NAB1: variants seen among roughly 807,000 people sequenced by gnomAD.
The protein encoded by NAB1 is NGFI-A-binding protein 1.
A neutral mutation model predicts 49.9 loss-of-function variants in NAB1; 25 were observed. That is an observed-to-expected ratio of 0.50 (90% CI 0.37 to 0.70). NAB1 has a LOEUF of 0.70. Ranked by LOEUF, NAB1 falls within the 30% of genes least tolerant of loss-of-function variation. The pLI, the probability that NAB1 is intolerant of heterozygous loss-of-function variation, is 0.00. For synonymous variants in NAB1, 198 were observed against 215.6 expected (o/e 0.92, Z 0.71); for missense variants, 489 against 575.9 (o/e 0.85, Z 1.54).
Position 190,670,215 on chromosome 2 carries a change from T to G in NAB1, c.820-111T>G. The G allele has an allele frequency of 9.6e-7, 1 of 1,040,488 alleles. No individual in the cohort carries two copies. Among genetic ancestry groups the G allele is most frequent in the Non-Finnish European group, 1.3e-6 (1 of 745,508 alleles). 64.5% of individuals were successfully genotyped at this position (1,040,488 alleles called of 1,614,324 possible). On this transcript the variant is annotated intron_variant, in intron 4 of 9. Coordinates refer to ENST00000337386, the MANE Select transcript of NAB1 (RefSeq NM_005966.4). This position sits in a 1 kb window ranked among gnomAD's most constrained non-coding sequence, Gnocchi z 5.3. ...TAAATACCATTCTGATTTTTATGAA[T>G]AATGATTCCATTATATAATGGTGTA... is the stretch of plus-strand genomic sequence containing the variant.
At chr2:190,653,419 T>C (rs1023967448) in intron 2 of NAB1, among the ~76,000 whole-genome samples, 1 of 152,262 alleles carries the variant, frequency 6.6e-6, no homozygotes, top group African/African-American at 2.4e-5. Flanking sequence ...TTTGTAAGTC[T>C]GTAAGAGGTT....
chr2:190,685,327 A>C lies in NAB1; in HGVS notation c.1096-149A>C. On this transcript the variant is annotated intron_variant, in intron 7 of 9. Coordinates refer to ENST00000337386, the MANE Select transcript of NAB1 (RefSeq NM_005966.4). The surrounding 1 kb of genome is among the most constrained non-coding windows in gnomAD (Gnocchi z 4.5). ...AACATGATGATATAGACATCTATGC[A>C]TATTTATGGAATTTGTATACCACAT... is the stretch of plus-strand genomic sequence containing the variant. 1.6e-6 allele frequency: 1 copy of C among 626,904 alleles called. No individual in the cohort carries two copies. The highest frequency in any genetic ancestry group is 1.8e-5 in the African/African-American group (1 of 54,104). The allele number at this position is 626,904 out of a possible 1,614,324, so 38.8% of individuals were successfully genotyped here.
chr2:190,672,593 T>C (rs1201790521), intron 5 of NAB1, among the ~76,000 whole-genome samples: 1 of 152,222 alleles, frequency 6.6e-6, no homozygotes, highest in Non-Finnish European at 1.5e-5. Context: ...GTGGTCATTT[T>C]AGTCATTTTA....
At chr2:190,656,451 G>A (rs988052770) in intron 3 of NAB1, among the ~76,000 whole-genome samples, 2 of 152,190 alleles carry the variant, frequency 1.3e-5, no homozygotes, top group Non-Finnish European at 2.9e-5. Context: ...AAGCTTAGGA[G>A]GAGAACTCCT....
intron 9 of NAB1, 63 bp downstream of exon 9, chr2:190,687,380 T>C (rs1228965256): frequency 2.8e-6 from 2 of 718,590 alleles, no homozygotes; most frequent in Non-Finnish European, 4.4e-6. Flanking sequence ...AATTCTGTTC[T>C]ATTTCCTCCC....
rs1160833432 is a variant in NAB1 at position 190,678,650 on chromosome 2, G to A, written c.1006-5088G>A. On this transcript the variant is annotated intron_variant, in intron 6 of 9. Coordinates refer to ENST00000337386, the MANE Select transcript of NAB1 (RefSeq NM_005966.4). This position sits in a 1 kb window ranked among gnomAD's most constrained non-coding sequence, Gnocchi z 4.9. ...GGGGCTTGAAGAAGAAAGACCTAAA[G>A]GAAACATCTGCTAGCAGTTCCAGCA... 6.6e-6 allele frequency among the ~76,000 whole-genome samples: 1 copy of A among 151,484 alleles called. No individual in the cohort carries two copies. The highest frequency in any genetic ancestry group is 2.4e-5 in the African/African-American group (1 of 41,160).
rs1695953250 is a variant in NAB1, at chr2:190,691,953, T to G, written c.*1620T>G. The G allele has an allele frequency of 6.6e-6, 1 of 152,648 alleles. No individual in the cohort carries two copies. Among genetic ancestry groups the G allele is most frequent in the Admixed American group, 6.5e-5 (1 of 15,284 alleles). The allele number at this position is 152,648 out of a possible 1,614,324, so 9.5% of individuals were successfully genotyped here. On this transcript the variant is annotated 3_prime_UTR_variant, in exon 10 of 10. Transcript: ENST00000337386. This position sits in a 1 kb window ranked among gnomAD's most constrained non-coding sequence, Gnocchi z 4.1. ...AGTACTTTACAGTAGGAAACGCCAGTAAACAACTTTTATACTGTTAAAAGG... is the reference window on the plus strand; with the variant it reads ...AGTACTTTACAGTAGGAAACGCCAGGAAACAACTTTTATACTGTTAAAAGG...
rs1695115111 is a variant in NAB1, at chr2:190,677,169, T to C, written c.1005+4017T>C. Reference sequence around the variant, plus strand: ...AAGCTCTTATTTATGTAGTAGGTTGTTCCCCCTTAAAGGATAGTTACTTAT... The same window carrying C: ...AAGCTCTTATTTATGTAGTAGGTTGCTCCCCCTTAAAGGATAGTTACTTAT... On this transcript the variant is annotated intron_variant, in intron 6 of 9. Transcript: ENST00000337386. This position sits in a 1 kb window ranked among gnomAD's most constrained non-coding sequence, Gnocchi z 5.6. The C allele has an allele frequency of 6.6e-6, 1 of 152,160 alleles. No homozygotes were observed. The highest frequency in any genetic ancestry group is 1.5e-5 in the Non-Finnish European group (1 of 68,014). The allele number at this position is 152,160 out of a possible 1,614,324, so 9.4% of individuals were successfully genotyped here.
rs1021296967 is a variant in NAB1, at chr2:190,657,993, T to C, written c.-19-1165T>C. ...TTACAACAAGTTTATTTGTTTCTCT[T>C]AAATGGAAGTACTTGGCCAACTCCT... On this transcript the variant is annotated intron_variant, in intron 3 of 9. Transcript: ENST00000337386. The surrounding 1 kb of genome is among the most constrained non-coding windows in gnomAD (Gnocchi z 4.4). 1.3e-5 allele frequency among the ~76,000 whole-genome samples: 2 copies of C among 152,210 alleles called. No individual in the cohort carries two copies. Among genetic ancestry groups the C allele is most frequent in the African/African-American group, 4.8e-5 (2 of 41,454 alleles).
rs746163355 is a variant in NAB1, at chr2:190,675,453, G to T, written c.1005+2301G>T. On this transcript the variant is annotated intron_variant, in intron 6 of 9. Transcript: ENST00000337386. The surrounding 1 kb of genome is among the most constrained non-coding windows in gnomAD (Gnocchi z 5.2). ...TTCAGTTTCTTATTAGAAGCACAAAGTGTTGGGCTGTAACATTAGATATGA... is the reference window on the plus strand; with the variant it reads ...TTCAGTTTCTTATTAGAAGCACAAATTGTTGGGCTGTAACATTAGATATGA... Among the ~76,000 whole-genome samples, 34 of 152,324 alleles carry T rather than the reference G, an allele frequency of 2.2e-4. No individual in the cohort carries two copies. Among genetic ancestry groups the T allele is most frequent in the Admixed American group, 1.6e-3 (24 of 15,296 alleles).
At chr2:190,671,813 G>A (rs1574454485) in intron 5 of NAB1, among the ~76,000 whole-genome samples, 1 of 110,560 alleles carries the variant, frequency 9.0e-6, no homozygotes, top group Non-Finnish European at 1.7e-5. Context: ...GTCTTGCTCT[G>A]TCACCAGGCT....
chr2:190,680,484 T>C lies in NAB1; in HGVS notation c.1006-3254T>C, dbSNP rs2125820403. ...TGCTCTGCCACAGCGCCCTCTGCTG[T>C]GCTCTGGGTCTCCGTCCATTTCCCT... is the stretch of plus-strand genomic sequence containing the variant. On this transcript the variant is annotated intron_variant, in intron 6 of 9. Coordinates refer to ENST00000337386, the MANE Select transcript of NAB1 (RefSeq NM_005966.4). This position sits in a 1 kb window ranked among gnomAD's most constrained non-coding sequence, Gnocchi z 5.2. 6.6e-6 allele frequency among the ~76,000 whole-genome samples: 1 copy of C among 152,322 alleles called. No individual in the cohort carries two copies. The highest frequency in any genetic ancestry group is 2.1e-4 in the South Asian group (1 of 4,830).
At position 190,682,833 on chromosome 2, in the gene NAB1, A is replaced by G. The variant is rs1695414779; in HGVS notation, c.1006-905A>G. On this transcript the variant is annotated intron_variant, in intron 6 of 9. Transcript: ENST00000337386. This position sits in a 1 kb window ranked among gnomAD's most constrained non-coding sequence, Gnocchi z 4.1. Reference sequence around the variant, plus strand: ...AGTGCTGACAAGGAAATTGTCATGTATTGCTTGTGGTATGATAAACTAGTA... The same window carrying G: ...AGTGCTGACAAGGAAATTGTCATGTGTTGCTTGTGGTATGATAAACTAGTA... 6.6e-6 allele frequency among the ~76,000 whole-genome samples: 1 copy of G among 152,194 alleles called. No individual in the cohort carries two copies. Among genetic ancestry groups the G allele is most frequent in the South Asian group, 2.1e-4 (1 of 4,834 alleles).
chr2:190,660,180 A>G (rs1694149555), intron 4 of NAB1, among the ~76,000 whole-genome samples, 185 bp downstream of exon 4: 1 of 152,220 alleles, frequency 6.6e-6, no homozygotes, highest in African/African-American at 2.4e-5. Context: ...TTCAGGGTAT[A>G]TTTGTATTGA....
At position 190,678,727 on chromosome 2, in the gene NAB1, ACC is replaced by A; in HGVS notation, c.1006-5010_1006-5009del. Reference sequence around the variant, plus strand: ...GGGAGGAAAGAGGTTCAGAATATCCACCTACGCTGCTACTAAGCTTGTTGAAA... The same window carrying A: ...GGGAGGAAAGAGGTTCAGAATATCCATACGCTGCTACTAAGCTTGTTGAAA... On this transcript the variant is annotated intron_variant, in intron 6 of 9. Transcript: ENST00000337386. The surrounding 1 kb of genome is among the most constrained non-coding windows in gnomAD (Gnocchi z 4.9). Among the ~76,000 whole-genome samples the A allele has an allele frequency of 6.6e-6, 1 of 152,300 alleles. No homozygotes were observed. Among genetic ancestry groups the A allele is most frequent in the South Asian group, 2.1e-4 (1 of 4,826 alleles).
Position 190,685,724 on chromosome 2 carries a change from T to A in NAB1, c.1258+86T>A. 9.1e-7 allele frequency: 1 copy of A among 1,094,826 alleles called. No individual in the cohort carries two copies. The highest frequency in any genetic ancestry group is 3.3e-5 in the Admixed American group (1 of 30,480). The allele number at this position is 1,094,826 out of a possible 1,614,324, so 67.8% of individuals were successfully genotyped here. A position where few individuals can be genotyped will look rare whatever the true frequency, so the allele number is the denominator to read the frequency against. On this transcript the variant is annotated intron_variant, in intron 8 of 9. Coordinates refer to ENST00000337386, the MANE Select transcript of NAB1 (RefSeq NM_005966.4). The surrounding 1 kb of genome is among the most constrained non-coding windows in gnomAD (Gnocchi z 4.5). The stretch of plus-strand genomic sequence containing the variant: ...AAGACAGTGGCTGATTTTTAAATTA[T>A]GATATTTTGTAGAGATTATTTTACA...
At position 190,659,931 on chromosome 2, in the gene NAB1, A is replaced by T; in HGVS notation, c.755A>T (p.Tyr252Phe). 6.2e-7 allele frequency: 1 copy of T among 1,614,244 alleles called. No individual in the cohort carries two copies. The highest frequency in any genetic ancestry group is 8.5e-7 in the Non-Finnish European group (1 of 1,180,036). Reference sequence around the variant, plus strand: ...CACAAAGAGGAGGAAATTCGGAAATACAGTGCAATATATGGCAGATTTGAC... The same window carrying T: ...CACAAAGAGGAGGAAATTCGGAAATTCAGTGCAATATATGGCAGATTTGAC... ...DPHKEEEIRK[Y>F]SAIYGRFDSK... Residue 252 changes from tyrosine (Y) to phenylalanine (F), a missense_variant, in exon 4 of 10, where the codon TAC (tyrosine) becomes TTC (phenylalanine). Around this residue, in one of 4 missense-constraint regions of NAB1, gnomAD observed 204 missense variants for 220.9 expected, o/e 0.92. Transcript: ENST00000337386. The surrounding 1 kb of genome is among the most constrained non-coding windows in gnomAD (Gnocchi z 6.2).
At chr2:190,660,082 T>C (rs1237166124) in intron 4 of NAB1, 87 bp downstream of exon 4, 2 of 1,159,780 alleles carry the variant, frequency 1.7e-6, no homozygotes, top group East Asian at 2.4e-5. Context: ...TTGCCACAAA[T>C]GTGATACACT....
In NAB1 at chr2:190,676,705, A is replaced by G. The variant is rs1469618423; in HGVS notation, c.1005+3553A>G. Among the ~76,000 whole-genome samples, 2 of 152,240 alleles carry G rather than the reference A, an allele frequency of 1.3e-5. No individual in the cohort carries two copies. The highest frequency in any genetic ancestry group is 2.9e-5 in the Non-Finnish European group (2 of 68,044). The stretch of plus-strand genomic sequence containing the variant: ...CTCAAACAAAGGAAAAAAAGTTTTT[A>G]AGTAACGTACAAATAAACTTAAGCT... On this transcript the variant is annotated intron_variant, in intron 6 of 9. Transcript: ENST00000337386. The surrounding 1 kb of genome is among the most constrained non-coding windows in gnomAD (Gnocchi z 4.6).
Sources: allele counts gnomAD v4.1 joint callset (sites outside exome capture counted in the v4.1 genomes callset), GRCh38; gene constraint gnomAD v4.1.1; regional missense constraint gnomAD v4.1.1; non-coding constraint Gnocchi (gnomAD v3.1); transcripts MANE v1.5; gene names NCBI Gene and HGNC (gene_info 2026-07-23, HGNC 2026-07-21).